RAPGEF6: variants seen among roughly 807,000 people sequenced by gnomAD.
RAPGEF6 encodes the protein PDZ domain containing guanine nucleotide exchange factor (GEF) 2.
Under a neutral mutation model 171.4 loss-of-function variants are expected in RAPGEF6, and 56 were observed. The observed-to-expected ratio is 0.33, with a 90% confidence interval of 0.26 to 0.41. RAPGEF6 has a LOEUF of 0.41. Among genes scored for constraint, RAPGEF6 ranks in the 10% least tolerant of loss-of-function variants. The pLI is 1.00. For missense variants in RAPGEF6, 1,674 were observed against 1,921.4 expected, an observed-to-expected ratio of 0.87 and a Z score of 2.41; for synonymous variants, 692 against 650.1, an observed-to-expected ratio of 1.06 and a Z score of -0.98.
intron 8 of RAPGEF6, among the ~76,000 whole-genome samples, chr5:131,509,956 A>G (rs1044712444): frequency 1.3e-5 from 2 of 152,212 alleles, no homozygotes; most frequent in Non-Finnish European, 2.9e-5. Flanking sequence ...GGGAAGCCTA[A>G]GTTCCCCTTA....
intron 17 of RAPGEF6, among the ~76,000 whole-genome samples, chr5:131,466,253 T>C (rs960827636): frequency 2.6e-5 from 4 of 152,128 alleles, no homozygotes; most frequent in Non-Finnish European, 5.9e-5. Context: ...TCTGGTTCCT[T>C]CTGTAAGAAG....
rs193088076 is a variant in RAPGEF6, at chr5:131,580,494, C to T, written c.281+11889G>A. 2.4e-4 allele frequency among the ~76,000 whole-genome samples: 36 copies of T among 152,262 alleles called. No individual in the cohort carries two copies. In the East Asian group the frequency reaches 6.2e-3, roughly 26 times the overall value. ...GAGAGGGGCTCCCACAGTGCAGCGG[C>T]GGGCTGAAGGGCTCCTCAAGCGTGG... On this transcript the variant is annotated intron_variant, in intron 4 of 27. Coordinates refer to ENST00000509018, the MANE Select transcript of RAPGEF6 (RefSeq NM_016340.6).
chr5:131,511,481 C>CTTTTTT (rs55782171), intron 7 of RAPGEF6, among the ~76,000 whole-genome samples: 12 of 137,328 alleles, frequency 8.7e-5, no homozygotes, highest in African/African-American at 1.4e-4. Flanking sequence ...AAAAGATCAT[C>CTTTTTT]TTTTTTTTTT....
intron 2 of RAPGEF6, 94 bp downstream of exon 2, chr5:131,604,529 C>T: frequency 1.4e-6 from 2 of 1,386,038 alleles, no homozygotes; most frequent in South Asian, 1.3e-5. Flanking sequence ...GGGCTTAAAA[C>T]AATAAGGAAT....
chr5:131,608,795 C>A (rs1764763430), intron 1 of RAPGEF6, among the ~76,000 whole-genome samples: 1 of 151,880 alleles, frequency 6.6e-6, no homozygotes, highest in African/African-American at 2.4e-5. Context: ...TCTCTTGCTT[C>A]CTCCCTTACC....
chr5:131,436,067 T>C, intron 24 of RAPGEF6: 1 of 1,537,702 alleles, frequency 6.5e-7, no homozygotes, highest in African/African-American at 1.4e-5. Context: ...TTGATGTTGC[T>C]TCCAACATCC....
intron 22 of RAPGEF6, among the ~76,000 whole-genome samples, chr5:131,445,262 T>C (rs1243789475): frequency 1.3e-5 from 2 of 152,236 alleles, no homozygotes; most frequent in Non-Finnish European, 2.9e-5. Flanking sequence ...AAAAGGCTCC[T>C]TACCCTTATT....
intron 6 of RAPGEF6, among the ~76,000 whole-genome samples, chr5:131,521,934 C>T (rs968755336): frequency 6.6e-6 from 1 of 151,746 alleles, no homozygotes; most frequent in South Asian, 2.1e-4. Context: ...CCCTCCCTCC[C>T]TCCTAATAAA....
intron 3 of RAPGEF6, among the ~76,000 whole-genome samples, chr5:131,594,559 G>A (rs906844115): frequency 6.6e-6 from 1 of 152,228 alleles, no homozygotes; most frequent in Non-Finnish European, 1.5e-5. Flanking sequence ...GCTGCGAAAA[G>A]GGGGCCATTG....
At chr5:131,463,840 T>C (rs2149837228) in intron 18 of RAPGEF6, 4 of 1,238,972 alleles carry the variant, frequency 3.2e-6, no homozygotes, top group Admixed American at 3.8e-5. Context: ...GCTTCCTCTA[T>C]AAAAAAACAG....
intron 21 of RAPGEF6, among the ~76,000 whole-genome samples, chr5:131,451,888 A>G (rs2149822485): frequency 6.6e-6 from 1 of 152,202 alleles, no homozygotes; most frequent in East Asian, 1.9e-4. Flanking sequence ...AGGAAATCAG[A>G]TCAAAAATTA....
rs1465698374 is a variant in RAPGEF6, at chr5:131,424,009, T to A, written c.*3257A>T. On this transcript the variant is annotated 3_prime_UTR_variant, in exon 28 of 28. Transcript: ENST00000509018. The stretch of plus-strand genomic sequence containing the variant: ...TTTTACATTCTCTTAACCAAAAATA[T>A]AACAAATATTTACACTCAGTAAAAA... The A allele has an allele frequency of 1.3e-5, 2 of 152,304 alleles. No individual in the cohort carries two copies. Among genetic ancestry groups the A allele is most frequent in the Non-Finnish European group, 2.9e-5 (2 of 68,014 alleles). 9.4% of individuals were successfully genotyped at this position (152,304 alleles called of 1,614,324 possible).
intron 24 of RAPGEF6, among the ~76,000 whole-genome samples, chr5:131,433,914 T>C (rs1751867126): frequency 6.6e-6 from 1 of 152,192 alleles, no homozygotes; most frequent in Non-Finnish European, 1.5e-5. Context: ...CCAGTGTTAC[T>C]CAGAAAACTA....
At chr5:131,577,478 C>T (rs1242854504) in intron 4 of RAPGEF6, among the ~76,000 whole-genome samples, 1 of 152,200 alleles carries the variant, frequency 6.6e-6, no homozygotes, top group South Asian at 2.1e-4. Context: ...TCGTGCCAGA[C>T]ACCAGCCCTC....
At chr5:131,446,288 T>A (rs566566909) in intron 22 of RAPGEF6, among the ~76,000 whole-genome samples, 195 bp downstream of exon 22, 2 of 127,488 alleles carry the variant, frequency 1.6e-5, no homozygotes, top group Non-Finnish European at 3.1e-5. Flanking sequence ...TATCCCTCTA[T>A]TTTTTGGATA....
intron 5 of RAPGEF6, among the ~76,000 whole-genome samples, chr5:131,556,242 C>T (rs901144053): frequency 6.6e-6 from 1 of 152,148 alleles, no homozygotes; most frequent in African/African-American, 2.4e-5. Context: ...GAGTTTGAGG[C>T]TAGCCTGACC....
At chr5:131,463,245 G>A (rs1232952844) in intron 18 of RAPGEF6, among the ~76,000 whole-genome samples, 1 of 152,030 alleles carries the variant, frequency 6.6e-6, no homozygotes, top group Non-Finnish European at 1.5e-5. Context: ...AGCTTTCTAG[G>A]GATCTTGTTC....
chr5:131,481,767 G>A (rs953418409), intron 15 of RAPGEF6, among the ~76,000 whole-genome samples: 12 of 152,284 alleles, frequency 7.9e-5, no homozygotes, highest in African/African-American at 2.6e-4. Flanking sequence ...GAGAAACAGT[G>A]GTTGCATATT....
At chr5:131,496,826 G>A (rs1302838788) in intron 12 of RAPGEF6, among the ~76,000 whole-genome samples, 2 of 152,096 alleles carry the variant, frequency 1.3e-5, no homozygotes, top group Admixed American at 6.5e-5. Context: ...TCAAGTTTTC[G>A]TTTGCACACC....
Sources: gnomAD v4.1 joint callset for allele counts (sites outside exome capture counted in the v4.1 genomes callset) on GRCh38, gnomAD v4.1.1 for gene constraint, MANE v1.5 for transcripts, NCBI Gene and HGNC (gene_info 2026-07-23, HGNC 2026-07-21) for gene names.